Variants in NCK2 observed in about 807,000 individuals in gnomAD.
NCK2 encodes the protein cytoplasmic protein NCK2.
In NCK2, 16 loss-of-function variants were observed where a neutral mutation model predicts 33.9. The observed-to-expected ratio is 0.47, with a 90% confidence interval of 0.32 to 0.72. NCK2 has a LOEUF of 0.72. NCK2 is among the 30% of genes least tolerant of loss of function. The probability of loss-of-function intolerance (pLI) is 0.03; values close to 1 mark genes in which losing one functional copy is unlikely to be tolerated. For missense variants in NCK2, 418 were observed against 537.3 expected, an observed-to-expected ratio of 0.78 and a Z score of 2.19; for synonymous variants, 273 against 239.9, an observed-to-expected ratio of 1.14 and a Z score of -1.27.
intron 4 of NCK2, among the ~76,000 whole-genome samples, chr2:105,886,974 A>G (rs531411742): frequency 6.6e-6 from 1 of 152,326 alleles, no homozygotes; most frequent in Non-Finnish European, 1.5e-5. Context: ...AGGCCTGTGG[A>G]GTAAATATTT....
intron 4 of NCK2, 70 bp downstream of exon 4, chr2:105,882,119 G>A (rs2104663859): frequency 1.4e-6 from 2 of 1,405,926 alleles, no homozygotes; most frequent in East Asian, 2.6e-5. Context: ...TCTGTGTGCC[G>A]CGCCCTTTTC....
chr2:105,745,275 C>A (rs1415680792), intron 1 of NCK2, 137 bp downstream of exon 1: 2 of 151,648 alleles, frequency 1.3e-5, no homozygotes. Flanking sequence ...CGCGCCCCTC[C>A]GGTGCTCTCG....
At chr2:105,884,620 G>A (rs943937505) in intron 4 of NCK2, among the ~76,000 whole-genome samples, 1 of 152,168 alleles carries the variant, frequency 6.6e-6, no homozygotes, top group Non-Finnish European at 1.5e-5. Flanking sequence ...TGAGGGGTGC[G>A]TATTTCAGGG....
intron 1 of NCK2, among the ~76,000 whole-genome samples, chr2:105,758,020 G>GT (rs1689647393): frequency 6.6e-6 from 1 of 152,166 alleles, no homozygotes; most frequent in African/African-American, 2.4e-5. Flanking sequence ...AGCTCAGTTA[G>GT]TTTGCTTAGG....
intron 3 of NCK2, among the ~76,000 whole-genome samples, chr2:105,875,835 C>T (rs149844441): frequency 6.6e-6 from 1 of 152,298 alleles, no homozygotes; most frequent in East Asian, 1.9e-4. Context: ...CATCAGATCT[C>T]TAAGGTTTCT....
At chr2:105,810,145 T>A (rs1675233984) in intron 1 of NCK2, among the ~76,000 whole-genome samples, 1 of 152,104 alleles carries the variant, frequency 6.6e-6, no homozygotes, top group South Asian at 2.1e-4. Context: ...GTGTGGAATT[T>A]TATCTAAAGC....
chr2:105,837,849 T>C lies in NCK2; in HGVS notation c.-16-17199T>C, dbSNP rs60490215. On this transcript the variant is annotated intron_variant, in intron 2 of 4. Coordinates refer to ENST00000233154, the MANE Select transcript of NCK2 (RefSeq NM_003581.5). ...TGAATGAACTTGAGTTATTTTTATG[T>C]TTATTCACCATTTGTGCTACCTGTC... 4.4e-3 allele frequency among the ~76,000 whole-genome samples: 673 copies of C among 152,366 alleles called. 9 individuals carry two copies. Among genetic ancestry groups the C allele is most frequent in the African/African-American group, 0.015 (629 of 41,582 alleles).
chr2:105,791,289 A>G (rs1205904837), intron 1 of NCK2, among the ~76,000 whole-genome samples: 5 of 152,238 alleles, frequency 3.3e-5, no homozygotes, highest in African/African-American at 1.2e-4. Flanking sequence ...TTACAGCCAC[A>G]CTGATAAGAA....
At chr2:105,792,493 A>C (rs897207308) in intron 1 of NCK2, among the ~76,000 whole-genome samples, 2 of 152,194 alleles carry the variant, frequency 1.3e-5, no homozygotes, top group South Asian at 4.1e-4. Context: ...TCAGTGTTCA[A>C]ATTTTCCCAC....
chr2:105,837,102 C>T (rs1676463463), intron 2 of NCK2, among the ~76,000 whole-genome samples: 1 of 152,160 alleles, frequency 6.6e-6, no homozygotes, highest in Non-Finnish European at 1.5e-5. Context: ...GTGCTGCCAT[C>T]CTGAGCTTCT....
rs202112973 is a variant in NCK2 at position 105,834,271 on chromosome 2, ATCTC to A, written c.-17+17664_-17+17667del. On this transcript the variant is annotated intron_variant, in intron 2 of 4. Coordinates refer to ENST00000233154, the MANE Select transcript of NCK2 (RefSeq NM_003581.5). Reference sequence around the variant, plus strand: ...CCCAACTGTTGTTCTATTGGGGTCTATCTCTCTCTTTAGCTCTAATAATATTTGC... The same window carrying A: ...CCCAACTGTTGTTCTATTGGGGTCTATCTCTTTAGCTCTAATAATATTTGC... 7.7e-3 allele frequency among the ~76,000 whole-genome samples: 1,173 copies of A among 152,180 alleles called. 16 individuals are homozygous for A. Among genetic ancestry groups the A allele is most frequent in the African/African-American group, 0.027 (1,102 of 41,514 alleles).
chr2:105,843,385 G>C (rs1676722499), intron 2 of NCK2, among the ~76,000 whole-genome samples: 1 of 122,446 alleles, frequency 8.2e-6, no homozygotes, highest in Non-Finnish European at 1.8e-5. Flanking sequence ...TCTGTACTGT[G>C]GTCCCATAAG....
chr2:105,802,587 AG>A (rs1674882380), intron 1 of NCK2, among the ~76,000 whole-genome samples: 2 of 152,092 alleles, frequency 1.3e-5, no homozygotes, highest in Admixed American at 1.3e-4. Flanking sequence ...GAGAGAGAGG[AG>A]GGATGTGCCA....
chr2:105,817,753 G>A (rs1385812363), intron 2 of NCK2, among the ~76,000 whole-genome samples: 1 of 152,064 alleles, frequency 6.6e-6, no homozygotes, highest in Admixed American at 6.6e-5. Flanking sequence ...CAGTTAGAAT[G>A]GTGATCATTA....
chr2:105,766,283 G>A (rs1558826905), intron 1 of NCK2, among the ~76,000 whole-genome samples: 1 of 152,132 alleles, frequency 6.6e-6, no homozygotes, highest in Non-Finnish European at 1.5e-5. Flanking sequence ...GGGAGAACCT[G>A]ATGTATTTCT....
intron 3 of NCK2, among the ~76,000 whole-genome samples, chr2:105,859,018 C>A (rs1416914297): frequency 6.6e-6 from 1 of 152,230 alleles, no homozygotes; most frequent in Non-Finnish European, 1.5e-5. Flanking sequence ...TCAGACTGCA[C>A]AGCTCTGAGC....
At chr2:105,845,814 G>A (rs1159858674) in intron 2 of NCK2, among the ~76,000 whole-genome samples, 1 of 152,136 alleles carries the variant, frequency 6.6e-6, no homozygotes, top group African/African-American at 2.4e-5. Context: ...TCTACTTTGG[G>A]AGCAGGGAGT....
In NCK2 at chr2:105,787,910, G is replaced by A. The variant is rs187612619; in HGVS notation, c.-200-28520G>A. ...ACACATGCGTATACCGCCCCCCACC[G>A]CCCCCGACTTGTAGATCCCTGGCCC... On this transcript the variant is annotated intron_variant, in intron 1 of 4. Transcript: ENST00000233154. 3.0e-5 allele frequency among the ~76,000 whole-genome samples: 3 copies of A among 98,404 alleles called. No homozygotes were observed. In the East Asian group the frequency reaches 9.0e-4, roughly 30 times the overall value. 64.6% of individuals were successfully genotyped at this position (98,404 alleles called of 152,430 possible).
In NCK2 at chr2:105,824,287, T is replaced by G. The variant is rs549704556; in HGVS notation, c.-17+7674T>G. On this transcript the variant is annotated intron_variant, in intron 2 of 4. Transcript: ENST00000233154. ...GGCCCCTGACGGTGCTCACAGGGAA[T>G]GAGTGGGAAATGCAGCAGATCTGAC... Among the ~76,000 whole-genome samples, 11 of 152,332 alleles carry G rather than the reference T, an allele frequency of 7.2e-5. No individual in the cohort carries two copies. In the South Asian group the frequency reaches 2.3e-3, roughly 32 times the overall value.
Sources: allele counts gnomAD v4.1 joint callset (sites outside exome capture counted in the v4.1 genomes callset), GRCh38; gene constraint gnomAD v4.1.1; transcripts MANE v1.5; gene names NCBI Gene and HGNC (gene_info 2026-07-23, HGNC 2026-07-21).